The following CFAP54 variants were observed in gnomAD, a reference collection of about 807,000 sequenced individuals.
CFAP54 encodes cilia and flagella associated protein 54.
In CFAP54, 290 loss-of-function variants were observed where a neutral mutation model predicts 370.4. The observed-to-expected ratio is 0.78, with a 90% CI of 0.71 to 0.86. The LOEUF (loss-of-function observed/expected upper bound fraction) is 0.86. CFAP54 is among the 40% of genes least tolerant of loss of function. The probability of loss-of-function intolerance (pLI) is 0.00; values close to 1 mark genes in which losing one functional copy is unlikely to be tolerated. For synonymous variants in CFAP54, 1,206 were observed against 1,236.5 expected (o/e 0.98, Z 0.52); for missense variants, 3,399 against 3,528.7 (o/e 0.96, Z 0.93).
At chr12:96,629,193 A>G (rs879856504) in intron 30 of CFAP54, among the ~76,000 whole-genome samples, 3 of 152,278 alleles carry the variant, frequency 2.0e-5, no homozygotes, top group East Asian at 1.9e-4. Context: ...GTTCTGTTCC[A>G]TGTACATCAT....
chr12:96,833,556 C>T (rs1466899399), intron 66 of CFAP54, among the ~76,000 whole-genome samples: 1 of 147,028 alleles, frequency 6.8e-6, no homozygotes, highest in Non-Finnish European at 1.5e-5. Flanking sequence ...TTTGAATGAA[C>T]TAGAGTCATA....
At chr12:96,591,763 T>C (rs1212579070) in intron 23 of CFAP54, among the ~76,000 whole-genome samples, 26 of 146,378 alleles carry the variant, frequency 1.8e-4, no homozygotes, top group South Asian at 4.5e-4. Context: ...TGGTGGCGCG[T>C]GCCTGTAGTC....
intron 60 of CFAP54, among the ~76,000 whole-genome samples, chr12:96,768,827 C>T (rs1958427772): frequency 2.0e-5 from 3 of 152,058 alleles, no homozygotes; most frequent in African/African-American, 4.8e-5. Flanking sequence ...TAATTAAGAG[C>T]GTTGTTTTCT....
chr12:96,827,051 A>G (rs1959124883), intron 65 of CFAP54, among the ~76,000 whole-genome samples: 3 of 138,980 alleles, frequency 2.2e-5, no homozygotes, highest in Admixed American at 8.0e-5. Context: ...ATGCAATTAT[A>G]TGTGATTATA....
chr12:96,705,594 CA>C (rs1957537962), intron 47 of CFAP54, among the ~76,000 whole-genome samples: 1 of 152,132 alleles, frequency 6.6e-6, no homozygotes, highest in Non-Finnish European at 1.5e-5. Flanking sequence ...CATCCTAAAA[CA>C]CTTCCTTAGG....
chr12:96,587,851 A>T (rs565726564), intron 22 of CFAP54, among the ~76,000 whole-genome samples: 1 of 152,282 alleles, frequency 6.6e-6, no homozygotes, highest in African/African-American at 2.4e-5. Context: ...CATTTGATTA[A>T]TGTAGCCCAG....
At chr12:96,524,634 A>G (rs1391169209) in intron 8 of CFAP54, among the ~76,000 whole-genome samples, 1 of 152,218 alleles carries the variant, frequency 6.6e-6, no homozygotes, top group Non-Finnish European at 1.5e-5. Flanking sequence ...GAGCATGGTC[A>G]TAGCTTAGAA....
intron 25 of CFAP54, among the ~76,000 whole-genome samples, chr12:96,597,026 A>G (rs1262809982): frequency 2.0e-5 from 3 of 152,088 alleles, no homozygotes; most frequent in Non-Finnish European, 4.4e-5. Context: ...TTGCATTCTC[A>G]TTCATACATG....
intron 66 of CFAP54, among the ~76,000 whole-genome samples, chr12:96,835,465 CCCTCCCTGGCCTGAAAGTGGGA>C (rs1435165415): frequency 1.3e-5 from 2 of 152,290 alleles, no homozygotes; most frequent in South Asian, 2.1e-4. Flanking sequence ...AGCCTTCAGG[CCCTCCCTGGCCTGAAAGTGGGA>C]CCTTGCCAGG....
chr12:96,494,035 A>G (rs1954919137), intron 1 of CFAP54, among the ~76,000 whole-genome samples: 1 of 152,122 alleles, frequency 6.6e-6, no homozygotes, highest in Non-Finnish European at 1.5e-5. Context: ...GGTGCCATTA[A>G]GCTGAGATTA....
At chr12:96,645,853 G>C (rs1166716340) in intron 33 of CFAP54, 1 of 152,176 alleles carries the variant, frequency 6.6e-6, no homozygotes, top group African/African-American at 2.4e-5. Context: ...ATGGGGAAAG[G>C]ATTCCCTATT....
In CFAP54 at chr12:96,833,165, C is replaced by T. The variant is rs77192016; in HGVS notation, c.9171+4077C>T. Among the ~76,000 whole-genome samples, 5 of 152,218 alleles carry T rather than the reference C, an allele frequency of 3.3e-5. No homozygotes were observed. In the East Asian group the frequency reaches 9.7e-4, roughly 29 times the overall value. ...TGATTAATCATGGAATGTCAATAAC[C>T]ATTACATATGATTTCTGGTGAGGCA... is the stretch of plus-strand genomic sequence containing the variant. On this transcript the variant is annotated intron_variant, in intron 66 of 67. Transcript: ENST00000524981.
intron 33 of CFAP54, chr12:96,645,473 T>A (rs529611520): frequency 5.6e-6 from 1 of 177,596 alleles, no homozygotes; most frequent in African/African-American, 2.4e-5. Flanking sequence ...TGGAAGAACA[T>A]TCCATGCTTA....
At chr12:96,748,299 A>C (rs1958140589) in intron 55 of CFAP54, among the ~76,000 whole-genome samples, 1 of 152,120 alleles carries the variant, frequency 6.6e-6, no homozygotes, top group Non-Finnish European at 1.5e-5. Flanking sequence ...ATAATTTAGT[A>C]CTTTTTAAGC....
In CFAP54 at chr12:96,663,863, A is replaced by G. The variant is rs765965443; in HGVS notation, c.5494A>G (p.Lys1832Glu). The part of the protein sequence containing the change: ...TCRNFIGKQL[K>E]INSSTIEATS... ...CCGAAATTTCATTGGGAAGCAGCTT[A>G]AGATTAATTCTTCAACCATTGAAGC... is the stretch of plus-strand genomic sequence containing the variant. Residue 1832 changes from lysine to glutamate, a missense_variant, in exon 39 of 68, where the codon AAG becomes GAG. Lys to Glu is a moderately conservative substitution (Grantham distance 56). Coordinates refer to ENST00000524981, the MANE Select transcript of CFAP54 (RefSeq NM_001306084.2). 1.2e-6 allele frequency: 2 copies of G among 1,613,284 alleles called. No homozygotes were observed. Among genetic ancestry groups the G allele is most frequent in the Non-Finnish European group, 1.7e-6 (2 of 1,179,604 alleles).
Position 96,602,329 on chromosome 12 carries a change from T to C in CFAP54, c.3639+3562T>C, listed in dbSNP as rs529582542. 3.3e-5 allele frequency among the ~76,000 whole-genome samples: 5 copies of C among 152,340 alleles called. 1 individual carries two copies. The South Asian group carries it at 1.0e-3, about 32-fold the overall frequency. On this transcript the variant is annotated intron_variant, in intron 26 of 67. Transcript: ENST00000524981. The stretch of plus-strand genomic sequence containing the variant: ...CACTCTGGTCTGAGAGACAGTTTGT[T>C]GTGATTTCTGTTCTTTTACATTTGC...
chr12:96,794,406 C>T (rs370768596), intron 63 of CFAP54, among the ~76,000 whole-genome samples: 1 of 151,440 alleles, frequency 6.6e-6, no homozygotes, highest in African/African-American at 2.4e-5. Context: ...AACATAATCC[C>T]AAACTTCTTG....
chr12:96,765,654 C>T (rs1958395848), intron 60 of CFAP54, among the ~76,000 whole-genome samples: 1 of 152,162 alleles, frequency 6.6e-6, no homozygotes, highest in Non-Finnish European at 1.5e-5. Context: ...ATTAAATTAT[C>T]ATCAGCTACC....
chr12:96,569,054 C>T (rs1186132147), intron 19 of CFAP54, among the ~76,000 whole-genome samples: 1 of 142,370 alleles, frequency 7.0e-6, no homozygotes, highest in African/African-American at 2.7e-5. Flanking sequence ...TGTCCTTCAT[C>T]TTCTACTTCT....
Sources: gnomAD v4.1 joint callset for allele counts (sites outside exome capture counted in the v4.1 genomes callset) on GRCh38, gnomAD v4.1.1 for gene constraint, MANE v1.5 for transcripts, NCBI Gene and HGNC (gene_info 2026-07-23, HGNC 2026-07-21) for gene names.